DMRT1: variants seen among roughly 807,000 people sequenced by gnomAD.
DMRT1 encodes the protein doublesex- and mab-3-related transcription factor 1.
Under a neutral mutation model 32.3 loss-of-function variants are expected in DMRT1, and 7 were observed. The ratio of observed to expected loss-of-function variants is 0.22; its 90% CI spans 0.12 to 0.41. DMRT1 has a LOEUF of 0.41. DMRT1 is among the 10% of genes least tolerant of loss of function. The probability of loss-of-function intolerance (pLI) is 1.00; values close to 1 mark genes in which losing one functional copy is unlikely to be tolerated. For synonymous variants in DMRT1, 278 were observed against 206.1 expected, an observed-to-expected ratio of 1.35 and a Z score of -2.99; for missense variants, 625 against 500.5, an observed-to-expected ratio of 1.25 and a Z score of -2.37.
intron 4 of DMRT1, among the ~76,000 whole-genome samples, chr9:936,318 G>A (rs1171771275): frequency 6.6e-6 from 1 of 152,062 alleles, no homozygotes; most frequent in African/African-American, 2.4e-5. Flanking sequence ...TATTGTAGTA[G>A]CTCTATGGTT....
chr9:905,315 C>G (rs1352586332), intron 3 of DMRT1, among the ~76,000 whole-genome samples: 1 of 152,088 alleles, frequency 6.6e-6, no homozygotes, highest in East Asian at 1.9e-4. Flanking sequence ...AGGTATTATC[C>G]CCACATTTTA....
intron 2 of DMRT1, among the ~76,000 whole-genome samples, chr9:867,348 T>C (rs1816036116): frequency 6.6e-6 from 1 of 152,202 alleles, no homozygotes. Context: ...CTAATTCCTC[T>C]CTGGGAAGCC....
At chr9:954,863 G>C (rs540751700) in intron 4 of DMRT1, among the ~76,000 whole-genome samples, 2 of 152,010 alleles carry the variant, frequency 1.3e-5, no homozygotes, top group African/African-American at 4.8e-5. Flanking sequence ...GCTGGTCTCG[G>C]ACTCCTGACC....
chr9:903,778 C>T (rs7853232), intron 3 of DMRT1, among the ~76,000 whole-genome samples: 92,917 of 152,080 alleles, frequency 0.61, 31,662 homozygotes, highest in Non-Finnish European at 0.77. Context: ...CCCTGGAGAA[C>T]AGACAGCTCT....
chr9:907,524 A>G (rs757333150), intron 3 of DMRT1, among the ~76,000 whole-genome samples: 29 of 152,192 alleles, frequency 1.9e-4, no homozygotes, highest in Admixed American at 3.3e-4. Flanking sequence ...GGTTTTAGGA[A>G]AAGGAAACAT....
rs561462124 is a variant in DMRT1 at position 960,761 on chromosome 9, C to T, written c.968-7224C>T. On this transcript the variant is annotated intron_variant, in intron 4 of 4. Coordinates refer to ENST00000382276, the MANE Select transcript of DMRT1 (RefSeq NM_021951.3). ...GGCCTCCCTCAGCCCTCCTGCCTAG[C>T]GTGCAGTGTGGTGGGAAAACAGTCT... Among the ~76,000 whole-genome samples the T allele has an allele frequency of 3.2e-4, 48 of 152,292 alleles. 1 individual carries two copies. The Middle Eastern group carries it at 0.017, about 54-fold the overall frequency.
At chr9:892,380 G>A (rs1363627473) in intron 2 of DMRT1, among the ~76,000 whole-genome samples, 2 of 152,110 alleles carry the variant, frequency 1.3e-5, no homozygotes, top group Admixed American at 6.5e-5. Context: ...AAAAGCACGC[G>A]TTTCATGTTC....
rs1265226226 is a variant in DMRT1 at position 965,100 on chromosome 9, AAAAG to A, written c.968-2884_968-2881del. Among the ~76,000 whole-genome samples the A allele has an allele frequency of 1.3e-5, 2 of 152,210 alleles. No individual in the cohort carries two copies. Among genetic ancestry groups the A allele is most frequent in the Non-Finnish European group, 2.9e-5 (2 of 68,034 alleles). ...GTTTAAGGAAGCTGCATTAAAATGG[AAAAG>A]GTACCTCTGAGGGACGATCTTTAAG... On this transcript the variant is annotated intron_variant, in intron 4 of 4. Coordinates refer to ENST00000382276, the MANE Select transcript of DMRT1 (RefSeq NM_021951.3). This position sits in a 1 kb window ranked among gnomAD's most constrained non-coding sequence, Gnocchi z 4.5.
At chr9:938,150 C>T (rs530424290) in intron 4 of DMRT1, among the ~76,000 whole-genome samples, 8 of 152,108 alleles carry the variant, frequency 5.3e-5, no homozygotes, top group African/African-American at 1.9e-4. Flanking sequence ...ATCAGTTGAC[C>T]GTATATTTGA....
At chr9:911,247 A>T (rs552276868) in intron 3 of DMRT1, among the ~76,000 whole-genome samples, 8 of 152,234 alleles carry the variant, frequency 5.3e-5, no homozygotes, top group South Asian at 4.2e-4. Context: ...TGTCACAATC[A>T]AAAGCGTCTC....
intron 4 of DMRT1, among the ~76,000 whole-genome samples, chr9:922,423 G>T (rs935487380): frequency 5.9e-5 from 9 of 152,132 alleles, no homozygotes; most frequent in Admixed American, 5.2e-4. Flanking sequence ...TTGAAATGAT[G>T]CTTCCCCAGC....
chr9:908,804 G>A (rs192187704), intron 3 of DMRT1, among the ~76,000 whole-genome samples: 142 of 152,088 alleles, frequency 9.3e-4, no homozygotes, highest in Non-Finnish European at 1.6e-3. Context: ...TTGTGTGAGC[G>A]TCCTCCTCTC....
intron 3 of DMRT1, among the ~76,000 whole-genome samples, chr9:898,075 G>A (rs1817440113): frequency 1.3e-5 from 2 of 152,128 alleles, no homozygotes; most frequent in South Asian, 4.1e-4. Context: ...GAAACTGGAT[G>A]GCTCACTTTT....
chr9:863,348 A>G (rs2132586242), intron 2 of DMRT1, among the ~76,000 whole-genome samples: 1 of 149,838 alleles, frequency 6.7e-6, no homozygotes, highest in East Asian at 2.0e-4. Context: ...GGGCAGGGGA[A>G]GTGTGGACAG....
intron 2 of DMRT1, among the ~76,000 whole-genome samples, chr9:882,558 C>T (rs1816771972): frequency 6.6e-6 from 1 of 152,110 alleles, no homozygotes; most frequent in African/African-American, 2.4e-5. Flanking sequence ...TCTCAGCCAA[C>T]ACTTTGGGAG....
At chr9:959,085 A>G (rs1564277346) in intron 4 of DMRT1, among the ~76,000 whole-genome samples, 2 of 152,240 alleles carry the variant, frequency 1.3e-5, no homozygotes. Context: ...AGCCTACTTT[A>G]TGGGTTTGAT....
intron 2 of DMRT1, among the ~76,000 whole-genome samples, chr9:855,912 C>G (rs1815379211): frequency 6.6e-6 from 1 of 151,342 alleles, no homozygotes; most frequent in East Asian, 1.9e-4. Flanking sequence ...AGGCAGCATG[C>G]CTGACCTCTG....
At chr9:915,751 T>TTTTTTTTTTTTTTTTTTTTTTTTTTG (rs1564248221) in intron 3 of DMRT1, among the ~76,000 whole-genome samples, 1 of 150,006 alleles carries the variant, frequency 6.7e-6, no homozygotes, top group African/African-American at 2.5e-5. Context: ...ATATATTTTT[T>TTTTTTTTTTTTTTTTTTTTTTTTTTG]AGACAGAGTC....
At chr9:846,867 T>C (rs1464074325) in intron 1 of DMRT1, 93 bp from the exon 2 acceptor site, 3 of 1,463,020 alleles carry the variant, frequency 2.1e-6, no homozygotes, top group South Asian at 1.1e-5. Flanking sequence ...CCAGAGCTAG[T>C]GAATCATGGT....
Sources: gnomAD v4.1 joint callset for allele counts (sites outside exome capture counted in the v4.1 genomes callset) on GRCh38, gnomAD v4.1.1 for gene constraint, Gnocchi (gnomAD v3.1) non-coding constraint, MANE v1.5 for transcripts, NCBI Gene and HGNC (gene_info 2026-07-23, HGNC 2026-07-21) for gene names.